ADAMTS13: variants seen among roughly 807,000 people sequenced by gnomAD.
ADAMTS13 encodes the protein ADAM metallopeptidase with thrombospondin type 1 motif 13, also known as A disintegrin and metalloproteinase with thrombospondin motifs 13.
In ADAMTS13, 110 loss-of-function variants were observed where a neutral mutation model predicts 155.1. That is an observed-to-expected ratio of 0.71 (90% CI 0.61 to 0.83). The LOEUF is 0.83. Among genes scored for constraint, ADAMTS13 ranks in the 40% least tolerant of loss-of-function variants. The pLI, the probability that ADAMTS13 is intolerant of heterozygous loss-of-function variation, is 0.00. For synonymous variants in ADAMTS13, 758 were observed against 756.4 expected (o/e 1.00, Z -0.03); for missense variants, 1,707 against 1,891.7 (o/e 0.90, Z 1.81).
Position 133,455,576 on chromosome 9 carries a change from G to A in ADAMTS13, c.3400+141G>A, listed in dbSNP as rs192619276. On this transcript the variant is annotated intron_variant, in intron 25 of 28. Coordinates refer to ENST00000355699, the MANE Select transcript of ADAMTS13 (RefSeq NM_139027.6). The stretch of plus-strand genomic sequence containing the variant: ...TCCCCAGCCTCGGCGGCTCCTGCCC[G>A]GGCCCCAGGAAAACTCAGTGCAGTC... 1,298 of 1,605,544 alleles carry A rather than the reference G, an allele frequency of 8.1e-4. 20 individuals carry two copies. The East Asian group carries it at 0.023, about 29-fold the overall frequency.
Position 133,438,275 on chromosome 9 carries a change from C to T in ADAMTS13, c.1614C>T (p.Ser538=), listed in dbSNP as rs1841400946. The change falls in exon 14 of 29, where the codon TCC becomes TCT. Residue 538 remains serine, a synonymous_variant. Coordinates refer to ENST00000355699, the MANE Select transcript of ADAMTS13 (RefSeq NM_139027.6). The stretch of plus-strand genomic sequence containing the variant: ...TTGGCTGTGATGGTAGGATGGACTC[C>T]CAGCAGGTATGGGACAGGTGCCAGG... ...RTFGCDGRMD[S]QQVWDRCQVC... 2 of 1,614,002 alleles carry T rather than the reference C, an allele frequency of 1.2e-6. No individual in the cohort carries two copies. The highest frequency in any genetic ancestry group is 2.7e-5 in the African/African-American group (2 of 74,902).
chr9:133,440,414 C>A lies in ADAMTS13; in HGVS notation c.1857C>A (p.Ser619=). The change falls in exon 16 of 29, where the codon TCC becomes TCA. Residue 619 remains serine (S), a synonymous_variant. Coordinates refer to ENST00000355699, the MANE Select transcript of ADAMTS13 (RefSeq NM_139027.6). The surrounding 1 kb of genome is among the most constrained non-coding windows in gnomAD (Gnocchi z 4.3). ...TCTCCCCTAACACCACCTACCCCTC[C>A]CTCCTGGAGGATGGTCGTGTCGAGT... ...MSISPNTTYP[S]LLEDGRVEYR... 1.2e-6 allele frequency: 2 copies of A among 1,613,942 alleles called. No homozygotes were observed. Among genetic ancestry groups the A allele is most frequent in the Non-Finnish European group, 1.7e-6 (2 of 1,180,014 alleles).
At chr9:133,429,711 C>G (rs1554786487) in intron 7 of ADAMTS13, 4 of 704,408 alleles carry the variant, frequency 5.7e-6, no homozygotes. Flanking sequence ...CCCGTCCCTC[C>G]GTCGCCGCTC....
upstream of ADAMTS13, among the ~76,000 whole-genome samples, chr9:133,417,247 C>G (rs1839690041): frequency 6.6e-6 from 1 of 152,320 alleles, no homozygotes; most frequent in Admixed American, 6.5e-5. Flanking sequence ...GAACTCTTGA[C>G]CTCAGGGGAT....
chr9:133,453,162 C>T (rs782576800), intron 23 of ADAMTS13, among the ~76,000 whole-genome samples: 3 of 152,026 alleles, frequency 2.0e-5, no homozygotes, highest in Admixed American at 6.5e-5. Context: ...ATTGGCTGTG[C>T]GCGGTGGCTT....
chr9:133,445,649 G>A lies in ADAMTS13; in HGVS notation c.2611-50G>A. The A allele has an allele frequency of 1.9e-6, 3 of 1,611,906 alleles. No individual in the cohort carries two copies. In the South Asian group the frequency reaches 3.3e-5, roughly 18 times the overall value. On this transcript the variant is annotated intron_variant, in intron 20 of 28. Transcript: ENST00000355699. This position sits in a 1 kb window ranked among gnomAD's most constrained non-coding sequence, Gnocchi z 5.0. The stretch of plus-strand genomic sequence containing the variant: ...TGAGAAGATCGAGACGGGGATCGCT[G>A]GGTCCTCAGAGGAGGCCCAGACCCA...
At chr9:133,426,808 C>CTTT (rs36219249) in intron 6 of ADAMTS13, among the ~76,000 whole-genome samples, 7 of 145,926 alleles carry the variant, frequency 4.8e-5, no homozygotes, top group African/African-American at 1.8e-4. Context: ...CTTTTCTTTT[C>CTTT]TTTTTTTTTT....
chr9:133,459,280 CT>C lies in ADAMTS13; in HGVS notation c.*103del. On this transcript the variant is annotated 3_prime_UTR_variant, in exon 29 of 29. Coordinates refer to ENST00000355699, the MANE Select transcript of ADAMTS13 (RefSeq NM_139027.6). Reference sequence around the variant, plus strand: ...AACTTTTTCCAATCTTAGGTATCTACTTTAGAGTCTTCTCCAATGTCCAAAA... The same window carrying C: ...AACTTTTTCCAATCTTAGGTATCTACTTAGAGTCTTCTCCAATGTCCAAAA... 2 of 1,202,580 alleles carry C rather than the reference CT, an allele frequency of 1.7e-6. No individual in the cohort carries two copies. Among genetic ancestry groups the C allele is most frequent in the Non-Finnish European group, 2.4e-6 (2 of 835,204 alleles). The allele number at this position is 1,202,580 out of a possible 1,614,324, so 74.5% of individuals were successfully genotyped here.
At chr9:133,432,285 ATAAAT>A (rs1366786221) in intron 8 of ADAMTS13, among the ~76,000 whole-genome samples, 1 of 152,236 alleles carries the variant, frequency 6.6e-6, no homozygotes, top group Non-Finnish European at 1.5e-5. Context: ...AGAAAGAAAA[ATAAAT>A]TAAAACATTT....
intron 1 of ADAMTS13, among the ~76,000 whole-genome samples, chr9:133,415,251 T>C (rs890191442): frequency 8.5e-5 from 13 of 152,194 alleles, no homozygotes; most frequent in African/African-American, 2.9e-4. Context: ...ATTTTGCACC[T>C]GCTCCTTCAT....
chr9:133,428,533 A>G (rs1840435239), intron 6 of ADAMTS13, 101 bp from the exon 7 acceptor site: 2 of 662,850 alleles, frequency 3.0e-6, no homozygotes, highest in East Asian at 4.9e-5. Flanking sequence ...GCGCTGCGGC[A>G]CTAGGGCGCC....
chr9:133,422,705 G>A (rs1287161621), intron 1 of ADAMTS13, among the ~76,000 whole-genome samples, 157 bp downstream of exon 1: 2 of 152,098 alleles, frequency 1.3e-5, no homozygotes, highest in East Asian at 1.9e-4. Context: ...GGGATGAAGT[G>A]TGCTCACTGA....
chr9:133,428,578 A>G lies in ADAMTS13; in HGVS notation c.687-56A>G, dbSNP rs1054383481. The G allele has an allele frequency of 5.9e-4, 17 of 28,688 alleles. No individual in the cohort carries two copies. In the East Asian group the frequency reaches 0.015, roughly 26 times the overall value. 1.8% of individuals were successfully genotyped at this position (28,688 alleles called of 1,614,324 possible). On this transcript the variant is annotated intron_variant, in intron 6 of 28. Transcript: ENST00000355699. The stretch of plus-strand genomic sequence containing the variant: ...ACTCGCCGACCCCCGTCCCGCCCCC[A>G]CCCCCGCCCCCGCCCCTGCCGGCCG...
Position 133,425,647 on chromosome 9 carries a change from G to A in ADAMTS13, c.414+35G>A. Reference sequence around the variant, plus strand: ...GAGCTGGAACTCAGCACACCATACAGAGCGGGAAGCCCAAGTCATCGCATC... The same window carrying A: ...GAGCTGGAACTCAGCACACCATACAAAGCGGGAAGCCCAAGTCATCGCATC... On this transcript the variant is annotated intron_variant, in intron 4 of 28. Transcript: ENST00000355699. The surrounding 1 kb of genome is among the most constrained non-coding windows in gnomAD (Gnocchi z 4.6). 1 of 1,604,882 alleles carries A rather than the reference G, an allele frequency of 6.2e-7. No homozygotes were observed. Among genetic ancestry groups the A allele is most frequent in the Non-Finnish European group, 8.5e-7 (1 of 1,174,760 alleles).
At position 133,428,723 on chromosome 9, in the gene ADAMTS13, G is replaced by T. The variant is rs1840466776; in HGVS notation, c.776G>T (p.Gly259Val). The T allele has an allele frequency of 1.5e-6, 2 of 1,354,976 alleles. No homozygotes were observed. Among genetic ancestry groups the T allele is most frequent in the Non-Finnish European group, 1.9e-6 (2 of 1,051,174 alleles). 83.9% of individuals were successfully genotyped at this position (1,354,976 alleles called of 1,614,324 possible). A position where few individuals can be genotyped will look rare whatever the true frequency, so the allele number is the denominator to read the frequency against. ...TCGGACGGCGCCGCGCCCCGCGCCG[G>T]CCTCGCCTGGTCCCCCTGCAGCCGC... ...MASDGAAPRA[G>V]LAWSPCSRRQ... The change falls in exon 7 of 29, where the codon GGC becomes GTC. Residue 259 changes from glycine (G) to valine (V), a missense_variant. Gly to Val is a moderately radical substitution (Grantham distance 109, BLOSUM62 -3). Around this residue, in one of 3 missense-constraint regions of ADAMTS13, gnomAD observed 733 missense variants for 749.6 expected, o/e 0.98. Transcript: ENST00000355699.
At chr9:133,417,323 C>T (rs1839697204), upstream of ADAMTS13, among the ~76,000 whole-genome samples, 1 of 152,174 alleles carries the variant, frequency 6.6e-6, no homozygotes, top group Non-Finnish European at 1.5e-5. Context: ...GGCCTGGTTT[C>T]GGGATTTTAA....
Position 133,459,308 on chromosome 9 carries a change from G to C in ADAMTS13, c.*128G>C. On this transcript the variant is annotated 3_prime_UTR_variant, in exon 29 of 29. Coordinates refer to ENST00000355699, the MANE Select transcript of ADAMTS13 (RefSeq NM_139027.6). ...TAGAGTCTTCTCCAATGTCCAAAAG[G>C]CTAGGGGGTTGGAGGTGGGGACTCT... 4.0e-6 allele frequency: 4 copies of C among 995,972 alleles called. No individual in the cohort carries two copies. The highest frequency in any genetic ancestry group is 6.1e-6 in the Non-Finnish European group (4 of 651,266). 61.7% of individuals were successfully genotyped at this position (995,972 alleles called of 1,614,324 possible). A position where few individuals can be genotyped will look rare whatever the true frequency, so the allele number is the denominator to read the frequency against.
At position 133,424,606 on chromosome 9, in the gene ADAMTS13, C is replaced by A; in HGVS notation, c.330+128C>A. The stretch of plus-strand genomic sequence containing the variant: ...CAGGTAGAATGGCTCGGGGTTCTTC[C>A]TCTTCTCCCTCCCTCCCCTGGGTGG... On this transcript the variant is annotated intron_variant, in intron 3 of 28. Coordinates refer to ENST00000355699, the MANE Select transcript of ADAMTS13 (RefSeq NM_139027.6). This position sits in a 1 kb window ranked among gnomAD's most constrained non-coding sequence, Gnocchi z 4.3. 7.2e-7 allele frequency: 1 copy of A among 1,383,990 alleles called. No individual in the cohort carries two copies. Among genetic ancestry groups the A allele is most frequent in the Non-Finnish European group, 9.9e-7 (1 of 1,008,988 alleles). The allele number at this position is 1,383,990 out of a possible 1,614,324, so 85.7% of individuals were successfully genotyped here. A position where few individuals can be genotyped will look rare whatever the true frequency, so the allele number is the denominator to read the frequency against.
chr9:133,435,059 TG>T (rs1554788555), intron 11 of ADAMTS13, among the ~76,000 whole-genome samples: 2 of 152,246 alleles, frequency 1.3e-5, no homozygotes, highest in African/African-American at 2.4e-5. Context: ...TTTCACCTTT[TG>T]GCTCCTGTGA....
Sources: allele counts gnomAD v4.1 joint callset (sites outside exome capture counted in the v4.1 genomes callset), GRCh38; gene constraint gnomAD v4.1.1; regional missense constraint gnomAD v4.1.1; non-coding constraint Gnocchi (gnomAD v3.1); transcripts MANE v1.5; gene names NCBI Gene and HGNC (gene_info 2026-07-23, HGNC 2026-07-21).